The following LAMA2 variants were observed in gnomAD, a reference collection of about 807,000 sequenced individuals.
The protein encoded by LAMA2 is laminin subunit alpha-2.
LAMA2 carries 269 observed loss-of-function variants against 364.8 expected under a neutral mutation model. The observed-to-expected ratio is 0.74, with a 90% confidence interval of 0.67 to 0.82. LAMA2 has a LOEUF of 0.82. LAMA2 is among the 40% of genes least tolerant of loss of function. The pLI, the probability that LAMA2 is intolerant of heterozygous loss-of-function variation, is 0.00. For missense variants in LAMA2, 3,807 were observed against 3,873.2 expected, an observed-to-expected ratio of 0.98 and a Z score of 0.45; for synonymous variants, 1,379 against 1,370.6, an observed-to-expected ratio of 1.01 and a Z score of -0.14.
chr6:129,359,468 T>A (rs766863128), intron 32 of LAMA2, among the ~76,000 whole-genome samples: 5 of 151,680 alleles, frequency 3.3e-5, no homozygotes, highest in African/African-American at 4.8e-5. Flanking sequence ...CAAATTTTTA[T>A]TTGAGAAGAT....
intron 1 of LAMA2, among the ~76,000 whole-genome samples, chr6:128,960,168 T>G (rs1248569173): frequency 6.6e-6 from 1 of 152,014 alleles, no homozygotes; most frequent in East Asian, 1.9e-4. Context: ...TGCTATGAAT[T>G]TTTTGACCCG....
intron 35 of LAMA2, among the ~76,000 whole-genome samples, chr6:129,386,912 G>T (rs552166334): frequency 6.6e-6 from 1 of 152,200 alleles, no homozygotes; most frequent in Non-Finnish European, 1.5e-5. Flanking sequence ...GCAACAAAAA[G>T]CTGGCCATGG....
At chr6:129,078,121 G>A (rs1773777004) in intron 3 of LAMA2, among the ~76,000 whole-genome samples, 1 of 128,318 alleles carries the variant, frequency 7.8e-6, no homozygotes, top group Admixed American at 8.9e-5. Flanking sequence ...GAGCGTATGG[G>A]AAATCTCTGT....
At chr6:129,022,100 G>A (rs1258098931) in intron 1 of LAMA2, among the ~76,000 whole-genome samples, 2 of 152,198 alleles carry the variant, frequency 1.3e-5, no homozygotes, top group Non-Finnish European at 2.9e-5. Flanking sequence ...ACTGAGTGGT[G>A]AAGACTAAGT....
intron 1 of LAMA2, among the ~76,000 whole-genome samples, chr6:129,005,045 A>T (rs1784358701): frequency 6.6e-6 from 1 of 152,056 alleles, no homozygotes; most frequent in Non-Finnish European, 1.5e-5. Flanking sequence ...GAAAGAAAAA[A>T]CATGCTGGAA....
chr6:129,240,087 A>G (rs1785294114), intron 12 of LAMA2, among the ~76,000 whole-genome samples: 1 of 152,190 alleles, frequency 6.6e-6, no homozygotes, highest in Admixed American at 6.5e-5. Context: ...AAGGGTCCAA[A>G]AGCTGAAAAA....
At chr6:128,960,828 A>T (rs1211703093) in intron 1 of LAMA2, among the ~76,000 whole-genome samples, 1 of 151,952 alleles carries the variant, frequency 6.6e-6, no homozygotes, top group African/African-American at 2.4e-5. Context: ...TGTTTTGTGC[A>T]TGCCATATGT....
At chr6:129,233,889 G>A (rs1360592604) in intron 12 of LAMA2, among the ~76,000 whole-genome samples, 9 of 152,050 alleles carry the variant, frequency 5.9e-5, no homozygotes, top group Non-Finnish European at 1.0e-4. Context: ...CTGAAACTCC[G>A]CTCCAGTAGA....
intron 29 of LAMA2, among the ~76,000 whole-genome samples, chr6:129,333,873 T>G (rs992300049): frequency 1.3e-5 from 2 of 152,234 alleles, no homozygotes; most frequent in Admixed American, 6.5e-5. Context: ...TACTGTCCTC[T>G]TTTGACCAAT....
chr6:129,024,382 CTTTTTTTTTT>C (rs202105513), intron 1 of LAMA2, among the ~76,000 whole-genome samples: 42,413 of 117,034 alleles, frequency 0.36, 6,888 homozygotes, highest in African/African-American at 0.45. Context: ...TCTTTTCTTT[CTTTTTTTTTT>C]TTTTTTTTTT....
chr6:129,161,810 T>G (rs1254520469), intron 8 of LAMA2, among the ~76,000 whole-genome samples: 1 of 152,216 alleles, frequency 6.6e-6, no homozygotes, highest in Non-Finnish European at 1.5e-5. Context: ...GCTCCATCCA[T>G]GTTGCTTCAA....
chr6:129,252,348 G>A (rs1445568670), intron 14 of LAMA2, 53 bp downstream of exon 14: 7 of 1,403,046 alleles, frequency 5.0e-6, no homozygotes, highest in Non-Finnish European at 7.0e-6. Context: ...TGGGGCCAAG[G>A]TGCAGGAGCC....
chr6:129,122,595 G>T (rs780326209), intron 4 of LAMA2, among the ~76,000 whole-genome samples: 4 of 152,098 alleles, frequency 2.6e-5, no homozygotes, highest in Non-Finnish European at 5.9e-5. Context: ...TTACATGAAC[G>T]TTTATTCCTT....
intron 17 of LAMA2, among the ~76,000 whole-genome samples, chr6:129,277,112 T>C (rs996628696): frequency 6.6e-6 from 1 of 152,174 alleles, no homozygotes; most frequent in Admixed American, 6.5e-5. Context: ...CCCGCTGCTC[T>C]TGGCTTTCTT....
chr6:129,053,101 G>A (rs1788203334), intron 2 of LAMA2, among the ~76,000 whole-genome samples: 1 of 152,018 alleles, frequency 6.6e-6, no homozygotes, highest in Admixed American at 6.6e-5. Flanking sequence ...ATTTTGAGAC[G>A]GAGTTTTGCT....
intron 49 of LAMA2, among the ~76,000 whole-genome samples, chr6:129,463,160 C>T (rs189077281): frequency 6.6e-6 from 1 of 151,940 alleles, no homozygotes; most frequent in East Asian, 1.9e-4. Flanking sequence ...GTAGCTGCTC[C>T]AAAATAGCAT....
chr6:129,033,438 T>C (rs963930865), intron 1 of LAMA2, among the ~76,000 whole-genome samples: 3 of 152,094 alleles, frequency 2.0e-5, no homozygotes, highest in African/African-American at 7.2e-5. Context: ...CATAGATGAG[T>C]CTCTTCTGAT....
At chr6:129,287,695 G>GA in intron 18 of LAMA2, 152 bp from the exon 19 acceptor site, 1 of 738,874 alleles carries the variant, frequency 1.4e-6, no homozygotes, top group Non-Finnish European at 2.4e-6. Context: ...TGCAGTTGTA[G>GA]AAAAACATTT....
chr6:129,070,652 A>G (rs1773251697), intron 3 of LAMA2, among the ~76,000 whole-genome samples: 1 of 151,974 alleles, frequency 6.6e-6, no homozygotes. Flanking sequence ...AGCTTTTCTG[A>G]TTTATGTTAT....
Sources: allele counts gnomAD v4.1 joint callset (sites outside exome capture counted in the v4.1 genomes callset), GRCh38; gene constraint gnomAD v4.1.1; transcripts MANE v1.5; gene names NCBI Gene and HGNC (gene_info 2026-07-23, HGNC 2026-07-21).